TXLNG: variants seen among roughly 807,000 people sequenced by gnomAD.
TXLNG encodes the protein gamma-taxilin.
In TXLNG, 5 loss-of-function variants were observed where a neutral mutation model predicts 38.8. The ratio of observed to expected loss-of-function variants is 0.13; its 90% CI spans 0.07 to 0.27. TXLNG has a LOEUF of 0.27. Among genes scored for constraint, TXLNG ranks in the 10% least tolerant of loss-of-function variants. The pLI is 1.00. For missense variants in TXLNG, 393 were observed against 398.2 expected, an observed-to-expected ratio of 0.99 and a Z score of 0.11; for synonymous variants, 182 against 158.2, an observed-to-expected ratio of 1.15 and a Z score of -1.13.
chrX:16,802,633 C>A (rs756707040), intron 1 of TXLNG, among the ~76,000 whole-genome samples: 13 of 111,029 alleles, frequency 1.2e-4, no homozygotes, highest in Non-Finnish European at 2.1e-4. Context: ...TAAGGTATGA[C>A]CTCCTGCTGT....
At chrX:16,823,304 C>T (rs1457387895) in intron 3 of TXLNG, among the ~76,000 whole-genome samples, 1 of 108,151 alleles carries the variant, frequency 9.2e-6, no homozygotes, top group Non-Finnish European at 1.9e-5. Flanking sequence ...ACTAAAAATA[C>T]AAAATTTGCT....
chrX:16,839,938 A>G (rs746912991), intron 9 of TXLNG, 22 bp downstream of exon 9: 3 of 1,130,511 alleles, frequency 2.7e-6, no homozygotes, highest in South Asian at 4.0e-5. Context: ...TCCTGCGACT[A>G]AGGTGTAGTC....
intron 1 of TXLNG, among the ~76,000 whole-genome samples, chrX:16,793,797 C>T (rs1927784511): frequency 9.1e-6 from 1 of 109,624 alleles, no homozygotes; most frequent in Admixed American, 9.9e-5. Context: ...GTGTGTGTGC[C>T]ACCATGTCTG....
rs765150181 is a variant in TXLNG, at chrX:16,843,325, T to C, written c.*1559T>C. 1 of 111,981 alleles carries C rather than the reference T, an allele frequency of 8.9e-6. No homozygotes were observed. The allele number at this position is 111,981 out of a possible 1,213,427, so 9.2% of individuals were successfully genotyped here. Reference sequence around the variant, plus strand: ...GAAAATTGTCCAACAGATAGATAGATAGGAAACCGCCTGGAGTGGAGGAGG... The same window carrying C: ...GAAAATTGTCCAACAGATAGATAGACAGGAAACCGCCTGGAGTGGAGGAGG... On this transcript the variant is annotated 3_prime_UTR_variant, in exon 10 of 10. Coordinates refer to ENST00000380122, the MANE Select transcript of TXLNG (RefSeq NM_018360.3).
chrX:16,823,315 G>T (rs1016612617), intron 3 of TXLNG, among the ~76,000 whole-genome samples: 18 of 108,684 alleles, frequency 1.7e-4, no homozygotes, highest in African/African-American at 5.4e-4. Context: ...AAAATTTGCT[G>T]GGCGTGGTGG....
At chrX:16,789,733 C>T (rs1267454061) in intron 1 of TXLNG, among the ~76,000 whole-genome samples, 2 of 107,851 alleles carry the variant, frequency 1.9e-5, no homozygotes, top group African/African-American at 6.8e-5. Flanking sequence ...TTTAGTTTTA[C>T]AGAAAAATTG....
rs1229862965 is a variant in TXLNG, at chrX:16,818,854, A to G, written c.383A>G (p.Asn128Ser). 8.3e-7 allele frequency: 1 copy of G among 1,202,274 alleles called. No homozygotes were observed. The highest frequency in any genetic ancestry group is 1.1e-6 in the Non-Finnish European group (1 of 891,671). ...PPDGQQDSEC[N>S]RNKEKTLGKE... ...GATGGTCAGCAAGATTCAGAGTGCA[A>G]CAGGAACAAAGAAAAAACTTTAGGT... is the stretch of plus-strand genomic sequence containing the variant. Residue 128 changes from asparagine to serine, a missense_variant, in exon 2 of 10, where the codon AAC becomes AGC. Transcript: ENST00000380122.
chrX:16,839,054 A>G (rs766119889), intron 8 of TXLNG, among the ~76,000 whole-genome samples: 22 of 112,204 alleles, frequency 2.0e-4, no homozygotes, highest in Non-Finnish European at 3.6e-4. Context: ...GCTGGTGTGC[A>G]GTCAACAGTA....
chrX:16,840,305 G>A (rs1929747488), intron 9 of TXLNG: 1 of 259,381 alleles, frequency 3.9e-6, no homozygotes, highest in South Asian at 1.8e-4. Context: ...CTAGTTCTTG[G>A]GGGCGGAGGC....
chrX:16,799,107 G>A (rs1308053848), intron 1 of TXLNG, among the ~76,000 whole-genome samples: 2 of 110,502 alleles, frequency 1.8e-5, no homozygotes, highest in Non-Finnish European at 3.8e-5. Context: ...TTGAACTCCC[G>A]ACCTCAGGTG....
chrX:16,789,788 C>A (rs999228823), intron 1 of TXLNG, among the ~76,000 whole-genome samples: 4 of 107,564 alleles, frequency 3.7e-5, no homozygotes, highest in Non-Finnish European at 5.8e-5. Flanking sequence ...CACACCCTTT[C>A]CCCCTATTAT....
rs369527124 is a variant in TXLNG, at chrX:16,832,667, C to T, written c.909C>T (p.Leu303=). 1.3e-5 allele frequency: 16 copies of T among 1,208,059 alleles called. No individual in the cohort carries two copies. Among genetic ancestry groups the T allele is most frequent in the African/African-American group, 1.8e-5 (1 of 57,079 alleles). ...VFKHKELQQQ[L]VDAKLQQTTQ... Reference sequence around the variant, plus strand: ...AACATAAGGAACTGCAACAGCAGCTCGTGGATGCCAAACTGCAGCAAACGA... The same window carrying T: ...AACATAAGGAACTGCAACAGCAGCTTGTGGATGCCAAACTGCAGCAAACGA... The change falls in exon 6 of 10, where the codon CTC becomes CTT. Residue 303 remains leucine, a synonymous_variant. Transcript: ENST00000380122.
In TXLNG at chrX:16,810,820, C is replaced by A. The variant is rs192128067; in HGVS notation, c.103-7754C>A. ...TCTTGTGCCTCAGCCTCCCGAGTTT[C>A]CAGGCACGTGCCACCATGCCCAGCT... is the stretch of plus-strand genomic sequence containing the variant. On this transcript the variant is annotated intron_variant, in intron 1 of 9. Transcript: ENST00000380122. 4.3e-3 allele frequency among the ~76,000 whole-genome samples: 482 copies of A among 111,389 alleles called. 2 individuals carry two copies. The highest frequency in any genetic ancestry group is 7.4e-3 in the Non-Finnish European group (395 of 53,054).
rs1929938829 is a variant in TXLNG at position 16,843,363 on chromosome X, C to T, written c.*1597C>T. 1 of 111,715 alleles carries T rather than the reference C, an allele frequency of 9.0e-6. No individual in the cohort carries two copies. The highest frequency in any genetic ancestry group is 3.3e-5 in the African/African-American group (1 of 30,667). 9.2% of individuals were successfully genotyped at this position (111,715 alleles called of 1,213,427 possible). On this transcript the variant is annotated 3_prime_UTR_variant, in exon 10 of 10. Coordinates refer to ENST00000380122, the MANE Select transcript of TXLNG (RefSeq NM_018360.3). Reference sequence around the variant, plus strand: ...GGAGTGGAGGAGGGTTGTATCTAAGCCTCCACTATCAGTCATGTTAATTCA... The same window carrying T: ...GGAGTGGAGGAGGGTTGTATCTAAGTCTCCACTATCAGTCATGTTAATTCA...
At chrX:16,810,164 T>C (rs1928464128) in intron 1 of TXLNG, among the ~76,000 whole-genome samples, 1 of 111,888 alleles carries the variant, frequency 8.9e-6, no homozygotes, top group South Asian at 3.7e-4. Flanking sequence ...CTAATTAATA[T>C]AGGAAAGTTC....
intron 1 of TXLNG, among the ~76,000 whole-genome samples, chrX:16,813,537 C>CT (rs1207020907): frequency 1.9e-5 from 2 of 107,196 alleles, no homozygotes; most frequent in Non-Finnish European, 3.8e-5. Flanking sequence ...AATCTCAGCA[C>CT]TTTGGGAGGC....
intron 1 of TXLNG, among the ~76,000 whole-genome samples, chrX:16,795,379 A>G (rs1055506323): frequency 1.8e-5 from 2 of 112,963 alleles, no homozygotes; most frequent in Non-Finnish European, 3.7e-5. Flanking sequence ...TAAAAGGCAA[A>G]TGATGTACAC....
intron 2 of TXLNG, among the ~76,000 whole-genome samples, chrX:16,819,627 C>T (rs1293432420): frequency 8.9e-6 from 1 of 111,949 alleles, no homozygotes; most frequent in Non-Finnish European, 1.9e-5. Flanking sequence ...GCTATCTTGT[C>T]ATCCTTTGGT....
chrX:16,796,169 T>G, intron 1 of TXLNG, among the ~76,000 whole-genome samples: 1 of 107,837 alleles, frequency 9.3e-6, no homozygotes, highest in East Asian at 2.9e-4. Flanking sequence ...ACTTGTTCAT[T>G]TTTATTATTT....
Sources: gnomAD v4.1 joint callset for allele counts (sites outside exome capture counted in the v4.1 genomes callset) on GRCh38, gnomAD v4.1.1 for gene constraint, MANE v1.5 for transcripts, NCBI Gene and HGNC (gene_info 2026-07-23, HGNC 2026-07-21) for gene names.